The following SLC7A1 variants were observed in gnomAD, a reference collection of about 807,000 sequenced individuals.
The protein encoded by SLC7A1 is solute carrier family 7 member 1.
In SLC7A1, 10 loss-of-function variants were observed where a neutral mutation model predicts 53.9. The observed-to-expected ratio is 0.19, with a 90% CI of 0.11 to 0.31. SLC7A1 has a LOEUF of 0.31. Ranked by LOEUF, SLC7A1 falls within the 10% of genes least tolerant of loss-of-function variation. SLC7A1 has a pLI of 1.00. For synonymous variants in SLC7A1, 342 were observed against 338.7 expected (o/e 1.01, Z -0.11); for missense variants, 525 against 827.2 (o/e 0.63, Z 4.48).
chr13:29,556,063 C>T (rs534742162), intron 1 of SLC7A1, among the ~76,000 whole-genome samples: 20 of 152,244 alleles, frequency 1.3e-4, no homozygotes, highest in Non-Finnish European at 2.5e-4. Flanking sequence ...TCTACAATTA[C>T]CTGAAAAGGC....
intron 2 of SLC7A1, among the ~76,000 whole-genome samples, chr13:29,549,177 T>C (rs772612440): frequency 5.3e-5 from 8 of 152,170 alleles, no homozygotes; most frequent in Middle Eastern, 3.2e-3. Context: ...GAGAATGCAA[T>C]TCAATTTACC....
chr13:29,515,895 A>T (rs1883540511), intron 12 of SLC7A1, among the ~76,000 whole-genome samples: 1 of 152,232 alleles, frequency 6.6e-6, no homozygotes, highest in African/African-American at 2.4e-5. Flanking sequence ...TCTGCAGCAG[A>T]CTCATCACCT....
intron 2 of SLC7A1, among the ~76,000 whole-genome samples, chr13:29,541,603 T>G (rs1869670133): frequency 6.6e-6 from 1 of 152,196 alleles, no homozygotes; most frequent in African/African-American, 2.4e-5. Context: ...TCATAAACAT[T>G]CAATTCACGT....
Position 29,573,745 on chromosome 13 carries a change from A to T in SLC7A1, c.-114-19885T>A, listed in dbSNP as rs1345813966. 3.9e-5 allele frequency among the ~76,000 whole-genome samples: 6 copies of T among 152,362 alleles called. No individual in the cohort carries two copies. The East Asian group carries it at 1.2e-3, about 29-fold the overall frequency. ...AACAAATAATCTTTTAGTATAAAAA[A>T]GTTATACTAAAAAAAGTATCCATTG... On this transcript the variant is annotated intron_variant, in intron 1 of 12. Transcript: ENST00000380752.
At chr13:29,551,195 A>C (rs1870166360) in intron 2 of SLC7A1, among the ~76,000 whole-genome samples, 1 of 152,234 alleles carries the variant, frequency 6.6e-6, no homozygotes, top group Non-Finnish European at 1.5e-5. Flanking sequence ...GAAAGAAAGA[A>C]GCAAGCAAGT....
chr13:29,575,679 A>C (rs1295705992), intron 1 of SLC7A1, among the ~76,000 whole-genome samples: 1 of 152,240 alleles, frequency 6.6e-6, no homozygotes, highest in African/African-American at 2.4e-5. Flanking sequence ...AAGTTTACGT[A>C]CAAACTAAAC....
chr13:29,522,280 T>TG, intron 8 of SLC7A1, 37 bp downstream of exon 8: 1 of 1,612,114 alleles, frequency 6.2e-7, no homozygotes, highest in South Asian at 1.1e-5. Flanking sequence ...ACTCCATTGT[T>TG]AAAACATTTC....
At chr13:29,516,951 A>G (rs931354863) in intron 11 of SLC7A1, 193 bp downstream of exon 11, 3 of 502,208 alleles carry the variant, frequency 6.0e-6, no homozygotes, top group Non-Finnish European at 1.0e-5. Flanking sequence ...CCAGGGGAGA[A>G]GGGCTGCTGC....
At chr13:29,576,067 C>A (rs187098705) in intron 1 of SLC7A1, among the ~76,000 whole-genome samples, 1 of 150,132 alleles carries the variant, frequency 6.7e-6, no homozygotes, top group Non-Finnish European at 1.5e-5. Flanking sequence ...ATAGGAGGAT[C>A]CCTTGAGGCC....
At chr13:29,561,044 C>T (rs1410685203) in intron 1 of SLC7A1, among the ~76,000 whole-genome samples, 3 of 152,168 alleles carry the variant, frequency 2.0e-5, no homozygotes. Context: ...ATTCTTCACT[C>T]AACAGTTATG....
chr13:29,577,358 G>C (rs1871451494), intron 1 of SLC7A1, among the ~76,000 whole-genome samples: 1 of 152,222 alleles, frequency 6.6e-6, no homozygotes, highest in Non-Finnish European at 1.5e-5. Flanking sequence ...GGCTCCCACA[G>C]TTGGAGCCAA....
intron 1 of SLC7A1, among the ~76,000 whole-genome samples, chr13:29,576,012 G>A (rs559991828): frequency 2.0e-5 from 3 of 152,152 alleles, no homozygotes; most frequent in South Asian, 2.1e-4. Flanking sequence ...TTTAGGCCAC[G>A]TGTGGTAGCT....
chr13:29,555,668 A>G (rs1210222364), intron 1 of SLC7A1, among the ~76,000 whole-genome samples: 1 of 151,242 alleles, frequency 6.6e-6, no homozygotes, highest in Non-Finnish European at 1.5e-5. Context: ...CTGGAAAAAA[A>G]AAGGGGGGGC....
At chr13:29,570,709 T>A (rs1871157119) in intron 1 of SLC7A1, among the ~76,000 whole-genome samples, 1 of 151,800 alleles carries the variant, frequency 6.6e-6, no homozygotes, top group African/African-American at 2.4e-5. Context: ...AAAAAAAAAT[T>A]AGCGAGAGAT....
intron 1 of SLC7A1, among the ~76,000 whole-genome samples, chr13:29,566,139 T>C (rs887551868): frequency 3.9e-5 from 6 of 152,220 alleles, no homozygotes; most frequent in African/African-American, 1.4e-4. Context: ...CACTTAAAAA[T>C]GGCTAAGATG....
At chr13:29,518,930 G>C (rs1487544979) in intron 9 of SLC7A1, among the ~76,000 whole-genome samples, 1 of 151,852 alleles carries the variant, frequency 6.6e-6, no homozygotes, top group African/African-American at 2.4e-5. Flanking sequence ...GCCCCCACCA[G>C]GCTATAACAA....
chr13:29,569,735 G>A (rs1229680794), intron 1 of SLC7A1, among the ~76,000 whole-genome samples: 2 of 152,154 alleles, frequency 1.3e-5, no homozygotes, highest in African/African-American at 4.8e-5. Flanking sequence ...TGAGCAGCTG[G>A]TATGCAGCAG....
chr13:29,574,153 C>G (rs74042342), intron 1 of SLC7A1, among the ~76,000 whole-genome samples: 2,629 of 152,224 alleles, frequency 0.017, 73 homozygotes, highest in African/African-American at 0.06. Flanking sequence ...AAATTGTGAG[C>G]AGTTTTAGTA....
rs565669063 is a variant in SLC7A1 at position 29,555,096 on chromosome 13, C to T, written c.-114-1236G>A. Among the ~76,000 whole-genome samples, 8 of 152,034 alleles carry T rather than the reference C, an allele frequency of 5.3e-5. No homozygotes were observed. The East Asian group carries it at 7.7e-4, about 15-fold the overall frequency. On this transcript the variant is annotated intron_variant, in intron 1 of 12. Coordinates refer to ENST00000380752, the MANE Select transcript of SLC7A1 (RefSeq NM_003045.5). ...ATTGTGGGCCGGGCGCGGTGGCTCA[C>T]GCCTGTAATCCCAGCACTTTGGGAG... is the stretch of plus-strand genomic sequence containing the variant.
Sources: gnomAD v4.1 joint callset for allele counts (sites outside exome capture counted in the v4.1 genomes callset) on GRCh38, gnomAD v4.1.1 for gene constraint, MANE v1.5 for transcripts, NCBI Gene and HGNC (gene_info 2026-07-23, HGNC 2026-07-21) for gene names.